The following RNF135 variants were observed in gnomAD, a reference collection of about 807,000 sequenced individuals.
RNF135 encodes ring finger protein 135, also known as E3 ubiquitin-protein ligase RNF135.
A neutral mutation model predicts 41.9 loss-of-function variants in RNF135; 46 were observed. The observed-to-expected ratio is 1.10, with a 90% CI of 0.87 to 1.40. The LOEUF (loss-of-function observed/expected upper bound fraction) is 1.40. Among genes scored for constraint, RNF135 ranks in the 40% most tolerant of loss-of-function variants. RNF135 has a pLI of 0.00. For missense variants in RNF135, 539 were observed against 549.8 expected (o/e 0.98, Z 0.20); for synonymous variants, 238 against 223.8 (o/e 1.06, Z -0.57).
At chr17:30,985,031 T>A (rs1907489940) in intron 2 of RNF135, among the ~76,000 whole-genome samples, 1 of 152,188 alleles carries the variant, frequency 6.6e-6, no homozygotes, top group South Asian at 2.1e-4. Flanking sequence ...CCTGTCTCTA[T>A]AAGCGTTCTG....
the RNF135 span, among the ~76,000 whole-genome samples, chr17:30,965,672 C>T: frequency 2.0e-5 from 3 of 151,892 alleles, no homozygotes; most frequent in Non-Finnish European, 2.9e-5. Context: ...GTTTAATTAA[C>T]ATTAAGGTGA....
chr17:30,987,722 A>G (rs1216630277), intron 2 of RNF135, among the ~76,000 whole-genome samples: 1 of 151,814 alleles, frequency 6.6e-6, no homozygotes, highest in African/African-American at 2.4e-5. Flanking sequence ...CCATAACTCC[A>G]TCACCCAGAA....
intron 4 of RNF135, 199 bp downstream of exon 4, chr17:30,997,530 C>G (rs543209748): frequency 1.6e-4 from 103 of 648,094 alleles, no homozygotes; most frequent in Non-Finnish European, 2.8e-4. Context: ...CTCAGAGTCC[C>G]GCCAACCTTT....
At chr17:30,997,097 C>T in intron 3 of RNF135, 145 bp from the exon 4 acceptor site, 1 of 683,190 alleles carries the variant, frequency 1.5e-6, no homozygotes, top group Non-Finnish European at 2.7e-6. Flanking sequence ...AGGCACACTG[C>T]CTCTGCCTGA....
rs141518240 is a variant in RNF135, at chr17:30,976,547, GGTT to G, written c.372+5107_372+5109del. On this transcript the variant is annotated intron_variant, in intron 1 of 4. Coordinates refer to ENST00000328381, the MANE Select transcript of RNF135 (RefSeq NM_032322.4). ...AATAATTTGTTCAATGCCAAAAGTGGGTTGTTGAAGTCTCCAGCTGTTATTGTA... is the reference window on the plus strand; with the variant it reads ...AATAATTTGTTCAATGCCAAAAGTGGGTTGAAGTCTCCAGCTGTTATTGTA... Among the ~76,000 whole-genome samples, 154 of 152,238 alleles carry G rather than the reference GGTT, an allele frequency of 1.0e-3. 3 individuals are homozygous for G. In the East Asian group the frequency reaches 0.027, roughly 27 times the overall value.
intron 1 of RNF135, chr17:30,975,930 C>T (rs1429327516): frequency 5.3e-6 from 3 of 570,490 alleles, no homozygotes; most frequent in Non-Finnish European, 9.8e-6. Flanking sequence ...GACTCTTCTG[C>T]CTGTTCATCT....
In RNF135 at chr17:30,998,748, C is replaced by T. The variant is rs149760739; in HGVS notation, c.856C>T (p.Arg286Cys). ...KDSRTVTVSHRPQPYRWSCER... is the reference protein window; with the variant it reads ...KDSRTVTVSHCPQPYRWSCER... ...TTCCCGTACAGTGACTGTGTCTCACCGCCCACAACCCTATCGCTGGAGCTG... is the reference window on the plus strand; with the variant it reads ...TTCCCGTACAGTGACTGTGTCTCACTGCCCACAACCCTATCGCTGGAGCTG... Residue 286 changes from arginine to cysteine, a missense_variant, in exon 5 of 5, where the codon CGC becomes TGC. Coordinates refer to ENST00000328381, the MANE Select transcript of RNF135 (RefSeq NM_032322.4). 1.1e-4 allele frequency: 182 copies of T among 1,612,726 alleles called. No individual in the cohort carries two copies. Among genetic ancestry groups the T allele is most frequent in the Non-Finnish European group, 3.3e-5 (39 of 1,179,608 alleles).
the RNF135 span, among the ~76,000 whole-genome samples, chr17:30,962,422 G>A: frequency 6.6e-6 from 1 of 151,582 alleles, no homozygotes; most frequent in East Asian, 2.0e-4. Flanking sequence ...ATGAGCCACC[G>A]CGCCTGGCCT....
chr17:30,980,758 G>C lies in RNF135; in HGVS notation c.373-3859G>C, dbSNP rs1171543597. Among the ~76,000 whole-genome samples the C allele has an allele frequency of 1.9e-4, 27 of 140,436 alleles. 1 individual carries two copies. The highest frequency in any genetic ancestry group is 3.6e-4 in the Non-Finnish European group (23 of 63,944). The allele number at this position is 140,436 out of a possible 152,430, so 92.1% of individuals were successfully genotyped here. On this transcript the variant is annotated intron_variant, in intron 1 of 4. Transcript: ENST00000328381. The stretch of plus-strand genomic sequence containing the variant: ...GGGCAGAGGTGCTCCCCACATCTCA[G>C]ACGATGGGCGGCCGGGCAGAGACGC...
At chr17:30,996,377 T>G (rs1455129508) in intron 3 of RNF135, among the ~76,000 whole-genome samples, 1 of 151,898 alleles carries the variant, frequency 6.6e-6, no homozygotes, top group Non-Finnish European at 1.5e-5. Context: ...TGTGAACCAC[T>G]GCGCCCAGGC....
At chr17:30,983,344 TATATATATA>T (rs144349377) in intron 1 of RNF135, among the ~76,000 whole-genome samples, 452 of 35,814 alleles carry the variant, frequency 0.013, 5 homozygotes, top group African/African-American at 0.038. Context: ...TATATATATA[TATATATATA>T]TTTTTTTTTT....
intron 3 of RNF135, among the ~76,000 whole-genome samples, chr17:30,994,753 C>A (rs111568681): frequency 1.3e-4 from 19 of 151,168 alleles, no homozygotes; most frequent in African/African-American, 4.4e-4. Context: ...CCTGCCTCAG[C>A]CTCCCAAGTA....
chr17:30,993,969 A>C, intron 3 of RNF135: 1 of 499,442 alleles, frequency 2.0e-6, no homozygotes, highest in East Asian at 3.2e-5. Context: ...ACACTCAGCT[A>C]ATTTTTTGTA....
chr17:30,992,356 C>T (rs1367611614), intron 3 of RNF135, among the ~76,000 whole-genome samples: 1 of 151,958 alleles, frequency 6.6e-6, no homozygotes, highest in Admixed American at 6.6e-5. Context: ...GTGTGAACCA[C>T]CATGTCTGGC....
In RNF135 at chr17:30,998,877, G is replaced by T; in HGVS notation, c.985G>T (p.Val329Leu). 1 of 1,612,160 alleles carries T rather than the reference G, an allele frequency of 6.2e-7. No homozygotes were observed. The change falls in exon 5 of 5, where the codon GTG becomes TTG. Residue 329 changes from valine to leucine, a missense_variant. This residue lies in a region of RNF135 where 262 missense variants were observed against 336.9 expected (regional missense o/e 0.78). Transcript: ENST00000328381. Reference protein sequence around the residue: ...TRNCSHWAVGVASWEMSRDQV... With the variant: ...TRNCSHWAVGLASWEMSRDQV... ...GAATTGCAGCCACTGGGCAGTTGGG[G>T]TGGCTTCCTGGGAGATGAGCCGCGA...
In RNF135 at chr17:30,988,416, ATTTT is replaced by A. The variant is rs56955275; in HGVS notation, c.679+336_679+339del. On this transcript the variant is annotated intron_variant, in intron 3 of 4. Coordinates refer to ENST00000328381, the MANE Select transcript of RNF135 (RefSeq NM_032322.4). ...GAGATTCTGAAATAGGCCACTTTTA[ATTTT>A]TTTTTTTTTTTTTTTTTTTTTTTTT... Among the ~76,000 whole-genome samples the A allele has an allele frequency of 3.7e-5, 3 of 81,898 alleles. No individual in the cohort carries two copies. The Admixed American group carries it at 4.2e-4, about 11-fold the overall frequency. 53.7% of individuals were successfully genotyped at this position (81,898 alleles called of 152,430 possible). A position where few individuals can be genotyped will look rare whatever the true frequency, so the allele number is the denominator to read the frequency against.
intron 1 of RNF135, chr17:30,975,314 T>C (rs1330438757): frequency 1.5e-6 from 1 of 651,230 alleles, no homozygotes; most frequent in African/African-American, 1.8e-5. Flanking sequence ...CAGAGCAACA[T>C]CCTGTTTCCC....
At chr17:30,970,026 C>T (rs1905762934), upstream of RNF135, among the ~76,000 whole-genome samples, 1 of 151,940 alleles carries the variant, frequency 6.6e-6, no homozygotes, top group South Asian at 2.1e-4. Context: ...ATCCAAAGGT[C>T]GGCTACAAAC....
chr17:30,999,101 C>T lies in RNF135; in HGVS notation c.1209C>T (p.Thr403=). The part of the protein sequence containing the change: ...DNQEKLLYEC[T]ISASSPLYPA... Reference sequence around the variant, plus strand: ...AGGAGAAGCTTCTGTATGAGTGTACCATCTCTGCCTCCTCTCCTTTGTACC... The same window carrying T: ...AGGAGAAGCTTCTGTATGAGTGTACTATCTCTGCCTCCTCTCCTTTGTACC... Residue 403 remains threonine (T), a synonymous_variant, in exon 5 of 5, where the codon ACC becomes ACT. Transcript: ENST00000328381. 2 of 1,614,076 alleles carry T rather than the reference C, an allele frequency of 1.2e-6. No homozygotes were observed. Among genetic ancestry groups the T allele is most frequent in the South Asian group, 1.1e-5 (1 of 91,066 alleles).
Sources: gnomAD v4.1 joint callset for allele counts (sites outside exome capture counted in the v4.1 genomes callset) on GRCh38, gnomAD v4.1.1 for gene constraint, gnomAD v4.1.1 regional missense constraint, MANE v1.5 for transcripts, NCBI Gene and HGNC (gene_info 2026-07-23, HGNC 2026-07-21) for gene names.